MON1A: variants seen among roughly 807,000 people sequenced by gnomAD.
MON1A encodes the protein MON1 vesicular trafficking associated A.
In MON1A, 29 loss-of-function variants were observed where a neutral mutation model predicts 44.6. The ratio of observed to expected loss-of-function variants is 0.65; its 90% confidence interval spans 0.48 to 0.89. The LOEUF (loss-of-function observed/expected upper bound fraction) is 0.89, where lower values mean the gene tolerates loss of function less well. Among genes scored for constraint, MON1A ranks in the 40% least tolerant of loss-of-function variants. The pLI is 0.00. For missense variants in MON1A, 615 were observed against 759.6 expected (o/e 0.81, Z 2.24); for synonymous variants, 275 against 316.4 (o/e 0.87, Z 1.39).
chr3:49,926,519 C>T (rs930600835), intron 1 of MON1A, among the ~76,000 whole-genome samples: 5 of 150,218 alleles, frequency 3.3e-5, no homozygotes, highest in African/African-American at 4.9e-5. Context: ...TGCAGTGATG[C>T]AATCACAGCT....
chr3:49,909,419 G>A lies in MON1A; in HGVS notation c.1380-19C>T. ...CTCAGGGCTGCAGACAGGGTGGAGG[G>A]AGTGGGTTTGCAAAGGAATGACTTC... On this transcript the variant is annotated intron_variant, in intron 4 of 5. Transcript: ENST00000296473. The surrounding 1 kb of genome is among the most constrained non-coding windows in gnomAD (Gnocchi z 4.0). 6.2e-7 allele frequency: 1 copy of A among 1,613,284 alleles called. No individual in the cohort carries two copies. Among genetic ancestry groups the A allele is most frequent in the Non-Finnish European group, 8.5e-7 (1 of 1,179,704 alleles).
At chr3:49,918,286 G>A (rs1037516082) in intron 1 of MON1A, among the ~76,000 whole-genome samples, 1 of 151,688 alleles carries the variant, frequency 6.6e-6, no homozygotes, top group Non-Finnish European at 1.5e-5. Flanking sequence ...GCAGTGAGCC[G>A]AGATCATGCC....
chr3:49,921,287 AG>A (rs2082994059), intron 1 of MON1A, among the ~76,000 whole-genome samples: 1 of 151,128 alleles, frequency 6.6e-6, no homozygotes, highest in South Asian at 2.1e-4. Flanking sequence ...CCTCACGAGT[AG>A]CTGGGACTAC....
At chr3:49,913,384 C>A in intron 1 of MON1A, 25 bp from the exon 2 acceptor site, 1 of 1,593,838 alleles carries the variant, frequency 6.3e-7, no homozygotes, top group Non-Finnish European at 8.6e-7. Flanking sequence ...AATGCAACAT[C>A]GATGGCTTTT....
Position 49,911,842 on chromosome 3 carries a change from G to A in MON1A, c.297C>T (p.Thr99=), listed in dbSNP as rs1449183608. ...QISQDFSELS[T]QLTGVARDLQ... ...GGTCCCGGGCCACACCCGTCAGCTG[G>A]GTGCTTAGCTCGCTAAAGTCCTGGC... The change falls in exon 3 of 6, where the codon ACC becomes ACT. Residue 99 remains threonine, a synonymous_variant. Transcript: ENST00000296473. This position sits in a 1 kb window ranked among gnomAD's most constrained non-coding sequence, Gnocchi z 5.7. 3.1e-6 allele frequency: 5 copies of A among 1,614,110 alleles called. No homozygotes were observed. The highest frequency in any genetic ancestry group is 4.2e-6 in the Non-Finnish European group (5 of 1,180,006).
intron 1 of MON1A, among the ~76,000 whole-genome samples, chr3:49,919,179 G>A (rs948039253): frequency 5.9e-5 from 9 of 152,098 alleles, no homozygotes; most frequent in African/African-American, 2.2e-4. Context: ...GTGAGATCCT[G>A]TCTCAAAAAC....
intron 1 of MON1A, among the ~76,000 whole-genome samples, chr3:49,918,336 TCAAAAAAAAAGAA>T (rs895563600): frequency 8.0e-5 from 12 of 149,264 alleles, no homozygotes; most frequent in East Asian, 2.0e-4. Context: ...AAACTCTGTC[TCAAAAAAAAAGAA>T]CAAAAAAAAA....
In MON1A at chr3:49,909,984, CAG is replaced by C; in HGVS notation, c.1379+133_1379+134del. ...CTGGGTCTCTGGTGCCAGAGTAAAACAGGCCCAGCACACTGGTCTGCTTCCAA... is the reference window on the plus strand; with the variant it reads ...CTGGGTCTCTGGTGCCAGAGTAAAACGCCCAGCACACTGGTCTGCTTCCAA... On this transcript the variant is annotated intron_variant, in intron 4 of 5. Transcript: ENST00000296473. This position sits in a 1 kb window ranked among gnomAD's most constrained non-coding sequence, Gnocchi z 4.0. The C allele has an allele frequency of 1.0e-6, 1 of 986,888 alleles. No individual in the cohort carries two copies. The highest frequency in any genetic ancestry group is 1.7e-5 in the South Asian group (1 of 60,034). 61.1% of individuals were successfully genotyped at this position (986,888 alleles called of 1,614,324 possible).
rs2082870014 is a variant in MON1A at position 49,910,860 on chromosome 3, C to T, written c.638G>A (p.Arg213His). The T allele has an allele frequency of 1.1e-5, 18 of 1,610,894 alleles. No homozygotes were observed. The highest frequency in any genetic ancestry group is 1.5e-5 in the Non-Finnish European group (18 of 1,177,728). ...HADGYKVVFV[R>H]RSPLVLVAVA... ...CGCCACTAGCACCAGCGGGCTCCGG[C>T]GCACGAATACTACCTTGTAGCCATC... The change falls in exon 4 of 6, where the codon CGC becomes CAC. Residue 213 changes from arginine to histidine, a missense_variant. Arg to His is a conservative substitution (Grantham distance 29). Coordinates refer to ENST00000296473, the MANE Select transcript of MON1A (RefSeq NM_032355.4). This position sits in a 1 kb window ranked among gnomAD's most constrained non-coding sequence, Gnocchi z 8.0.
intron 1 of MON1A, among the ~76,000 whole-genome samples, chr3:49,926,159 T>TA (rs1202115717): frequency 1.3e-5 from 2 of 152,162 alleles, no homozygotes; most frequent in Non-Finnish European, 2.9e-5. Context: ...TTTTCCCCAC[T>TA]AACTGTGATT....
rs776537293 is a variant in MON1A at position 49,914,090 on chromosome 3, CT to C, written c.-13-732del. On this transcript the variant is annotated intron_variant, in intron 1 of 5. Transcript: ENST00000296473. ...CAGCTAATTTTCTTTTCTTCTTCTTCTTTTTTTTTTTTTTTTTGAGACGGAG... is the reference window on the plus strand; with the variant it reads ...CAGCTAATTTTCTTTTCTTCTTCTTCTTTTTTTTTTTTTTTTGAGACGGAG... Among the ~76,000 whole-genome samples the C allele has an allele frequency of 5.3e-3, 704 of 133,444 alleles. 2 individuals are homozygous for C. The highest frequency in any genetic ancestry group is 0.014 in the African/African-American group (503 of 36,174). The allele number at this position is 133,444 out of a possible 152,430, so 87.5% of individuals were successfully genotyped here.
At chr3:49,922,899 C>T (rs2083013877) in intron 1 of MON1A, among the ~76,000 whole-genome samples, 1 of 151,564 alleles carries the variant, frequency 6.6e-6, no homozygotes, top group African/African-American at 2.4e-5. Context: ...TTAGTAGAGA[C>T]AGGGTTTCAC....
chr3:49,917,646 C>A (rs547472499), intron 1 of MON1A, among the ~76,000 whole-genome samples: 6 of 152,248 alleles, frequency 3.9e-5, no homozygotes, highest in Non-Finnish European at 5.9e-5. Flanking sequence ...AACTTCACAC[C>A]TTTTCTCTCT....
At chr3:49,915,637 G>A (rs2082936700) in intron 1 of MON1A, among the ~76,000 whole-genome samples, 1 of 152,236 alleles carries the variant, frequency 6.6e-6, no homozygotes, top group East Asian at 1.9e-4. Context: ...ACAGGCAACA[G>A]GCTTGTCTTC....
In MON1A at chr3:49,929,797, C is replaced by T. The variant is rs564730205; in HGVS notation, c.-202G>A. The T allele has an allele frequency of 1.6e-5, 25 of 1,547,834 alleles. No homozygotes were observed. The South Asian group carries it at 3.0e-4, about 18-fold the overall frequency. On this transcript the variant is annotated 5_prime_UTR_variant, in exon 1 of 6. Transcript: ENST00000296473. ...CCCTCCCACCGCCCTCACCCGGCCG[C>T]CGGTGCAGGAAGATAGCTTTCGCCG...
intron 1 of MON1A, among the ~76,000 whole-genome samples, chr3:49,914,090 CTT>C (rs776537293): frequency 9.7e-5 from 13 of 133,428 alleles, no homozygotes; most frequent in Admixed American, 7.6e-5. Flanking sequence ...TCTTCTTCTT[CTT>C]TTTTTTTTTT....
Position 49,910,059 on chromosome 3 carries a change from G to A in MON1A, c.1379+60C>T, listed in dbSNP as rs941783422. On this transcript the variant is annotated intron_variant, in intron 4 of 5. Coordinates refer to ENST00000296473, the MANE Select transcript of MON1A (RefSeq NM_032355.4). This position sits in a 1 kb window ranked among gnomAD's most constrained non-coding sequence, Gnocchi z 8.0. ...ACATCTCAGAGCTCAGGACCAAACA[G>A]CCTCCCGACTCCACATGTCCCTGTC... 8 of 1,511,668 alleles carry A rather than the reference G, an allele frequency of 5.3e-6. No homozygotes were observed. In the African/African-American group the frequency reaches 9.8e-5, roughly 18 times the overall value. The allele number at this position is 1,511,668 out of a possible 1,614,324, so 93.6% of individuals were successfully genotyped here. A position where few individuals can be genotyped will look rare whatever the true frequency, so the allele number is the denominator to read the frequency against.
chr3:49,914,719 TA>T (rs1351127953), intron 1 of MON1A, among the ~76,000 whole-genome samples: 1 of 151,910 alleles, frequency 6.6e-6, no homozygotes, highest in Admixed American at 6.6e-5. Flanking sequence ...AGCTAATTTT[TA>T]TATTTTTAGT....
rs770907124 is a variant in MON1A at position 49,929,638 on chromosome 3, G to C, written c.-43C>G. ...TTCTCAGAGGAGTCCAGGACGCACAGAAGGTGCCGGTCACTGCCCTCTGCC... is the reference window on the plus strand; with the variant it reads ...TTCTCAGAGGAGTCCAGGACGCACACAAGGTGCCGGTCACTGCCCTCTGCC... On this transcript the variant is annotated 5_prime_UTR_variant, in exon 1 of 6. Coordinates refer to ENST00000296473, the MANE Select transcript of MON1A (RefSeq NM_032355.4). 3 of 1,551,546 alleles carry C rather than the reference G, an allele frequency of 1.9e-6. No homozygotes were observed. The highest frequency in any genetic ancestry group is 2.4e-5 in the South Asian group (2 of 84,062).
Sources: gnomAD v4.1 joint callset for allele counts (sites outside exome capture counted in the v4.1 genomes callset) on GRCh38, gnomAD v4.1.1 for gene constraint, Gnocchi (gnomAD v3.1) non-coding constraint, MANE v1.5 for transcripts, NCBI Gene and HGNC (gene_info 2026-07-23, HGNC 2026-07-21) for gene names.